The following CELF2 variants were observed in gnomAD, a reference collection of about 807,000 sequenced individuals.
CELF2 encodes CUGBP Elav-like family member 2.
In CELF2, 8 loss-of-function variants were observed where a neutral mutation model predicts 62.6. The observed-to-expected ratio is 0.13, with a 90% CI of 0.07 to 0.23. The LOEUF is 0.23. Among genes scored for constraint, CELF2 ranks in the 10% least tolerant of loss-of-function variants. The pLI is 1.00. For missense variants in CELF2, 333 were observed against 671.0 expected, an observed-to-expected ratio of 0.50 and a Z score of 5.56; for synonymous variants, 258 against 250.0, an observed-to-expected ratio of 1.03 and a Z score of -0.30.
At chr10:11,079,522 TAGTG>T (rs2073271205) in intron 1 of CELF2, among the ~76,000 whole-genome samples, 1 of 152,132 alleles carries the variant, frequency 6.6e-6, no homozygotes, top group African/African-American at 2.4e-5. Flanking sequence ...GTTGTTGTGA[TAGTG>T]AGTTCTCAGG....
chr10:11,146,345 C>T (rs965340636), intron 1 of CELF2, among the ~76,000 whole-genome samples: 1 of 152,102 alleles, frequency 6.6e-6, no homozygotes, highest in African/African-American at 2.4e-5. Flanking sequence ...AGTATCTTTT[C>T]GAACATATGG....
chr10:10,465,379 T>C, the CELF2 span, among the ~76,000 whole-genome samples: 1 of 152,240 alleles, frequency 6.6e-6, no homozygotes, highest in Admixed American at 6.5e-5. Flanking sequence ...ACCTTAGCAT[T>C]GTATCAGGCT....
At chr10:10,741,990 A>C in the CELF2 span, among the ~76,000 whole-genome samples, 2 of 152,114 alleles carry the variant, frequency 1.3e-5, no homozygotes, top group African/African-American at 2.4e-5. Flanking sequence ...CTCCCTTTTT[A>C]GTGCATTTAT....
chr10:11,151,031 A>G (rs1165872625), intron 1 of CELF2, among the ~76,000 whole-genome samples: 2 of 152,210 alleles, frequency 1.3e-5, no homozygotes, highest in Admixed American at 1.3e-4. Flanking sequence ...CAGGAGCAAA[A>G]TATTAGTTAA....
chr10:11,015,248 C>G (rs143557742), upstream of CELF2, among the ~76,000 whole-genome samples: 281 of 152,174 alleles, frequency 1.8e-3, 3 homozygotes, highest in South Asian at 0.026. The surrounding 1 kb of genome is among the most constrained non-coding windows in gnomAD (Gnocchi z 4.8). Context: ...GAAATTGAAG[C>G]TTTTCATCGG....
At chr10:10,802,089 C>G (rs1325104160) in intron 1 of CELF2, among the ~76,000 whole-genome samples, 1 of 152,120 alleles carries the variant, frequency 6.6e-6, no homozygotes, top group African/African-American at 2.4e-5. Context: ...AACACTCCAG[C>G]TGCATTCAAA....
At chr10:11,258,130 A>G (rs1408834106) in intron 5 of CELF2, among the ~76,000 whole-genome samples, 3 of 152,212 alleles carry the variant, frequency 2.0e-5, no homozygotes, top group Non-Finnish European at 4.4e-5. Context: ...CCCTACTGCT[A>G]GGCATCCTTT....
chr10:10,869,039 A>T (rs927529), intron 1 of CELF2, among the ~76,000 whole-genome samples: 80,825 of 151,992 alleles, frequency 0.53, 22,571 homozygotes, highest in East Asian at 0.76. Flanking sequence ...ACTACTGCAT[A>T]TGTCTATTTC....
At chr10:10,536,473 T>C in the CELF2 span, among the ~76,000 whole-genome samples, 1 of 152,254 alleles carries the variant, frequency 6.6e-6, no homozygotes, top group Non-Finnish European at 1.5e-5. Flanking sequence ...ATATTCCTTC[T>C]TTAAGTGAAG....
intron 1 of CELF2, among the ~76,000 whole-genome samples, chr10:11,085,668 T>G (rs1254449843): frequency 6.6e-6 from 1 of 151,556 alleles, no homozygotes; most frequent in African/African-American, 2.4e-5. Flanking sequence ...AAGCAGGCGG[T>G]CTGGTTCAGG....
intron 2 of CELF2, among the ~76,000 whole-genome samples, chr10:11,190,892 G>GC (rs905172472): frequency 2.0e-5 from 3 of 151,824 alleles, no homozygotes; most frequent in Non-Finnish European, 2.9e-5. Context: ...AGGGGCTGGA[G>GC]CAGGAGGGAA....
chr10:11,326,701 C>G (rs1458037065), intron 12 of CELF2, among the ~76,000 whole-genome samples: 1 of 152,146 alleles, frequency 6.6e-6, no homozygotes, highest in Non-Finnish European at 1.5e-5. Flanking sequence ...TTTTCAAACC[C>G]TATTGGCCCC....
Position 11,110,815 on chromosome 10 carries a change from C to A in CELF2, c.75-54671C>A, listed in dbSNP as rs1203140538. 6.6e-6 allele frequency among the ~76,000 whole-genome samples: 1 copy of A among 152,156 alleles called. No homozygotes were observed. The highest frequency in any genetic ancestry group is 1.5e-5 in the Non-Finnish European group (1 of 68,026). ...CTTGTCAAGGAACTGCAACCCTGAC[C>A]TTAACCACCACCTCATTTCATGCCC... On this transcript the variant is annotated intron_variant, in intron 1 of 12. Coordinates refer to ENST00000633077, the MANE Select transcript of CELF2 (RefSeq NM_001326342.2). This position sits in a 1 kb window ranked among gnomAD's most constrained non-coding sequence, Gnocchi z 4.0.
chr10:10,589,026 G>A, the CELF2 span, among the ~76,000 whole-genome samples: 18 of 152,148 alleles, frequency 1.2e-4, no homozygotes, highest in Non-Finnish European at 1.8e-4. Context: ...GTCTCAGGGG[G>A]TACTAATGAC....
the CELF2 span, among the ~76,000 whole-genome samples, chr10:10,678,347 T>C: frequency 6.6e-6 from 1 of 152,092 alleles, no homozygotes; most frequent in Non-Finnish European, 1.5e-5. Flanking sequence ...GTAATCAGAT[T>C]TGTCAGATAG....
chr10:11,196,789 C>CTACAAAAAAA (rs1309323652), intron 2 of CELF2, among the ~76,000 whole-genome samples: 1 of 151,672 alleles, frequency 6.6e-6, no homozygotes, highest in Non-Finnish European at 1.5e-5. Flanking sequence ...AACCCCGTCT[C>CTACAAAAAAA]TACAAAAAAA....
chr10:11,284,325 G>A (rs2090329853), intron 8 of CELF2, among the ~76,000 whole-genome samples: 3 of 140,482 alleles, frequency 2.1e-5, no homozygotes, highest in Admixed American at 7.0e-5. Context: ...AGTGTGTGGT[G>A]GGTGGATGAT....
At chr10:10,473,721 A>G in the CELF2 span, among the ~76,000 whole-genome samples, 2 of 152,068 alleles carry the variant, frequency 1.3e-5, no homozygotes, top group Non-Finnish European at 2.9e-5. Flanking sequence ...AAAGGAAATA[A>G]TTATTCAGTC....
chr10:10,671,295 TTCTAAA>T, the CELF2 span, among the ~76,000 whole-genome samples: 1 of 152,098 alleles, frequency 6.6e-6, no homozygotes, highest in African/African-American at 2.4e-5. Context: ...TACCAAATCC[TTCTAAA>T]TAATTGTCTG....
Sources: allele counts gnomAD v4.1 joint callset (sites outside exome capture counted in the v4.1 genomes callset), GRCh38; gene constraint gnomAD v4.1.1; non-coding constraint Gnocchi (gnomAD v3.1); transcripts MANE v1.5; gene names NCBI Gene and HGNC (gene_info 2026-07-23, HGNC 2026-07-21).